The following VPS13C variants were observed in gnomAD, a reference collection of about 807,000 sequenced individuals.
VPS13C encodes vacuolar protein sorting 13 homolog C, also known as intermembrane lipid transfer protein VPS13C.
Under a neutral mutation model 456.8 loss-of-function variants are expected in VPS13C, and 358 were observed. The observed-to-expected ratio is 0.78, with a 90% CI of 0.72 to 0.86. The LOEUF (loss-of-function observed/expected upper bound fraction) is 0.86. Ranked by LOEUF, VPS13C falls within the 40% of genes least tolerant of loss-of-function variation. The pLI is 0.00. For missense variants in VPS13C, 4,818 were observed against 4,385.4 expected (o/e 1.10, Z -2.79); for synonymous variants, 1,578 against 1,486.7 (o/e 1.06, Z -1.41).
rs1446762567 is a variant in VPS13C at position 61,881,817 on chromosome 15, C to A, written c.9636G>T (p.Gln3212His). The change falls in exon 70 of 85, where the codon CAG becomes CAT. Residue 3212 changes from glutamine (Q) to histidine (H), a missense_variant. Physicochemically the swap from Gln to His is conservative, Grantham distance 24 (BLOSUM62 0). Transcript: ENST00000644861. ...CAACAGGGAACATTGCACCTGGTAA[C>A]TGATTATCAACCTGAAAGAAAAGAA... The part of the protein sequence containing the change: ...ARLYWLQVDN[Q>H]LPGAMFPVVF... The A allele has an allele frequency of 2.5e-6, 4 of 1,589,452 alleles. No homozygotes were observed.
rs79243306 is a variant in VPS13C at position 61,972,520 on chromosome 15, G to C, written c.2757+105C>G. The C allele has an allele frequency of 2.3e-3, 2,924 of 1,250,800 alleles. 64 individuals are homozygous for C. In the African/African-American group the frequency reaches 0.039, roughly 17 times the overall value. The allele number at this position is 1,250,800 out of a possible 1,614,324, so 77.5% of individuals were successfully genotyped here. ...TGTGTGTTGGGCAGCAGGAAAGACA[G>C]AGTACCACATTTTTAATATACTTGA... On this transcript the variant is annotated intron_variant, in intron 27 of 84. Coordinates refer to ENST00000644861, the MANE Select transcript of VPS13C (RefSeq NM_020821.3).
At position 61,968,157 on chromosome 15, in the gene VPS13C, G is replaced by A. The variant is rs545300244; in HGVS notation, c.2912-710C>T. ...ACATAAAATATTTTTCTTCTAAATT[G>A]AGATTTGTTTTAGTTTCAACTATTA... On this transcript the variant is annotated intron_variant, in intron 28 of 84. Transcript: ENST00000644861. Among the ~76,000 whole-genome samples the A allele has an allele frequency of 2.0e-5, 3 of 151,898 alleles. No homozygotes were observed. The South Asian group carries it at 6.2e-4, about 31-fold the overall frequency.
At chr15:62,055,384 T>A (rs1028141493) in intron 1 of VPS13C, among the ~76,000 whole-genome samples, 14 of 150,354 alleles carry the variant, frequency 9.3e-5, no homozygotes, top group African/African-American at 2.7e-4. Flanking sequence ...CCTGCCCCCA[T>A]GCCCGGCTAA....
At chr15:62,046,527 T>C (rs1461257509) in intron 1 of VPS13C, among the ~76,000 whole-genome samples, 1 of 152,198 alleles carries the variant, frequency 6.6e-6, no homozygotes, top group Non-Finnish European at 1.5e-5. Flanking sequence ...CTAGTGCCTA[T>C]CTGAAGCCAT....
chr15:62,004,892 G>A (rs749004620), intron 15 of VPS13C, among the ~76,000 whole-genome samples: 2 of 152,132 alleles, frequency 1.3e-5, no homozygotes, highest in African/African-American at 4.8e-5. Flanking sequence ...GAGATAGTTT[G>A]CTATAATTTC....
Position 61,967,361 on chromosome 15 carries a change from C to T in VPS13C, c.2991+7G>A. ...CAATAAATATATAATCATTCTATAG[C>T]CCTTACCTTAATATACTCCACTTTC... is the stretch of plus-strand genomic sequence containing the variant. On this transcript the variant is annotated splice_region_variant and intron_variant, in intron 29 of 84. Coordinates refer to ENST00000644861, the MANE Select transcript of VPS13C (RefSeq NM_020821.3). 1.3e-6 allele frequency: 2 copies of T among 1,598,816 alleles called. No individual in the cohort carries two copies. The highest frequency in any genetic ancestry group is 2.7e-5 in the African/African-American group (2 of 74,046).
intron 18 of VPS13C, among the ~76,000 whole-genome samples, chr15:61,985,405 C>G (rs778172504): frequency 6.6e-6 from 1 of 152,036 alleles, no homozygotes; most frequent in Non-Finnish European, 1.5e-5. Flanking sequence ...CACAGGTGCC[C>G]GCCACCATGC....
rs1336814031 is a variant in VPS13C, at chr15:61,961,897, T to C, written c.3604-4A>G. The C allele has an allele frequency of 5.6e-6, 9 of 1,605,024 alleles. No homozygotes were observed. The highest frequency in any genetic ancestry group is 2.7e-5 in the African/African-American group (2 of 74,378). On this transcript the variant is annotated splice_polypyrimidine_tract_variant and splice_region_variant and intron_variant, in intron 34 of 84. Coordinates refer to ENST00000644861, the MANE Select transcript of VPS13C (RefSeq NM_020821.3). ...TCTGGAAATTATTCAGGAAGTTCTG[T>C]GGACACAAAGCATAAAAAGAGAAAT...
At chr15:62,003,294 A>G (rs8029190) in intron 15 of VPS13C, among the ~76,000 whole-genome samples, 83,997 of 147,788 alleles carry the variant, frequency 0.57, 24,406 homozygotes, top group Admixed American at 0.64. Flanking sequence ...GTGAATGGGA[A>G]TTCACTCATG....
intron 1 of VPS13C, among the ~76,000 whole-genome samples, chr15:62,052,919 C>T (rs1348468923): frequency 6.6e-6 from 1 of 152,116 alleles, no homozygotes; most frequent in Non-Finnish European, 1.5e-5. Context: ...ACTGAACTTT[C>T]TCCCTTTCAG....
intron 67 of VPS13C, among the ~76,000 whole-genome samples, chr15:61,888,028 G>T (rs1423356960): frequency 6.6e-6 from 1 of 152,098 alleles, no homozygotes. Flanking sequence ...ATTTTAAAAT[G>T]GACAAAAGAT....
At chr15:61,954,668 T>A in intron 37 of VPS13C, 114 bp from the exon 38 acceptor site, 1 of 1,008,154 alleles carries the variant, frequency 9.9e-7, no homozygotes, top group South Asian at 1.9e-5. Flanking sequence ...AATCCACGAA[T>A]TAGTAACAGC....
chr15:61,856,687 CTTT>C (rs542779595), intron 82 of VPS13C: 2,405 of 114,540 alleles, frequency 0.021, no homozygotes, highest in South Asian at 0.052. Flanking sequence ...TTTTTCTTTT[CTTT>C]TTTTTTTTTT....
At chr15:62,058,718 C>G (rs201033165) in intron 1 of VPS13C, among the ~76,000 whole-genome samples, 1 of 152,150 alleles carries the variant, frequency 6.6e-6, no homozygotes, top group Non-Finnish European at 1.5e-5. Context: ...TATTGTTGGG[C>G]AAACCACAGT....
In VPS13C at chr15:61,864,314, C is replaced by G. The variant is rs1011775519; in HGVS notation, c.10864-786G>C. On this transcript the variant is annotated intron_variant, in intron 81 of 84. Coordinates refer to ENST00000644861, the MANE Select transcript of VPS13C (RefSeq NM_020821.3). Reference sequence around the variant, plus strand: ...AATAATTCAAGTATAAGTAGTAGCACATTAAAACACATTTATTTTCCTTTT... The same window carrying G: ...AATAATTCAAGTATAAGTAGTAGCAGATTAAAACACATTTATTTTCCTTTT... 3.5e-6 allele frequency: 3 copies of G among 859,312 alleles called. No homozygotes were observed. In the South Asian group the frequency reaches 1.6e-4, roughly 47 times the overall value. 53.2% of individuals were successfully genotyped at this position (859,312 alleles called of 1,614,324 possible). A position where few individuals can be genotyped will look rare whatever the true frequency, so the allele number is the denominator to read the frequency against.
chr15:61,966,152 G>C lies in VPS13C; in HGVS notation c.2992-10C>G, dbSNP rs747057573. The C allele has an allele frequency of 1.3e-6, 2 of 1,595,062 alleles. No homozygotes were observed. The highest frequency in any genetic ancestry group is 2.7e-5 in the African/African-American group (2 of 74,166). Reference sequence around the variant, plus strand: ...GTCCATTCTTATCAGCCTGAAAAAAGAAGTAAAAGTTCTAAAGAAGGTACT... The same window carrying C: ...GTCCATTCTTATCAGCCTGAAAAAACAAGTAAAAGTTCTAAAGAAGGTACT... On this transcript the variant is annotated splice_polypyrimidine_tract_variant and intron_variant, in intron 29 of 84. Transcript: ENST00000644861.
Position 61,951,879 on chromosome 15 carries a change from G to C in VPS13C, c.4401C>G (p.Asp1467Glu). Residue 1467 changes from aspartate to glutamate, a missense_variant, in exon 39 of 85, where the codon GAC becomes GAG. Asp to Glu is a conservative substitution (Grantham distance 45). Transcript: ENST00000644861. ...TTTTTAGATAAGCTTTAGCAGTCAT[G>C]TCATAGGTTTTAACTTTAGCTTCCA... ...LGMEAKVKTY[D>E]MTAKAYLKKI... The C allele has an allele frequency of 6.2e-7, 1 of 1,613,790 alleles. No individual in the cohort carries two copies. The highest frequency in any genetic ancestry group is 1.3e-5 in the African/African-American group (1 of 75,010).
In VPS13C at chr15:61,915,377, ATACTAC is replaced by A. The variant is rs113544556; in HGVS notation, c.8445+250_8445+255del. Among the ~76,000 whole-genome samples the A allele has an allele frequency of 3.3e-5, 5 of 151,846 alleles. No homozygotes were observed. In the South Asian group the frequency reaches 6.2e-4, roughly 19 times the overall value. ...ATAAATTCAAGCTATTCTATCTACT[ATACTAC>A]TACTACTACTACTACTACTTCAAGA... On this transcript the variant is annotated intron_variant, in intron 61 of 84. Transcript: ENST00000644861.
At chr15:62,021,256 T>C (rs2047450615) in intron 8 of VPS13C, among the ~76,000 whole-genome samples, 1 of 151,868 alleles carries the variant, frequency 6.6e-6, no homozygotes, top group Non-Finnish European at 1.5e-5. Flanking sequence ...CAGTATATCA[T>C]GTAACAACAC....
Sources: gnomAD v4.1 joint callset for allele counts (sites outside exome capture counted in the v4.1 genomes callset) on GRCh38, gnomAD v4.1.1 for gene constraint, MANE v1.5 for transcripts, NCBI Gene and HGNC (gene_info 2026-07-23, HGNC 2026-07-21) for gene names.